The following ZNF385D variants were observed in gnomAD, a reference collection of about 807,000 sequenced individuals.
ZNF385D encodes the protein zinc finger protein 659.
Under a neutral mutation model 35.8 loss-of-function variants are expected in ZNF385D, and 15 were observed. The observed-to-expected ratio is 0.42, with a 90% CI of 0.28 to 0.64. ZNF385D has a LOEUF of 0.64. ZNF385D is among the 30% of genes least tolerant of loss of function. The pLI is 0.23. For synonymous variants in ZNF385D, 212 were observed against 186.8 expected (o/e 1.13, Z -1.10); for missense variants, 474 against 494.6 (o/e 0.96, Z 0.39).
chr3:22,167,247 T>C (rs895796227), intron 3 of ZNF385D, among the ~76,000 whole-genome samples: 43 of 152,296 alleles, frequency 2.8e-4, no homozygotes, highest in African/African-American at 1.0e-3. Context: ...CCTTTGCTAA[T>C]TGGTTTTCTA....
rs1694691454 is a variant in ZNF385D, at chr3:21,984,473, T to C, written c.325+184344A>G. 1.5e-5 allele frequency among the ~76,000 whole-genome samples: 2 copies of C among 134,322 alleles called. 1 individual carries two copies. Among genetic ancestry groups the C allele is most frequent in the South Asian group, 5.6e-4 (2 of 3,586 alleles). 88.1% of individuals were successfully genotyped at this position (134,322 alleles called of 152,430 possible). The stretch of plus-strand genomic sequence containing the variant: ...TCAGGTTTGTCAAAGATCAGATAGT[T>C]GTAGGTATACGGCGTTATTTCTGAG... On this transcript the variant is annotated intron_variant, in intron 3 of 5. Transcript: ENST00000494108.
At chr3:21,496,327 G>T in intron 4 of ZNF385D, among the ~76,000 whole-genome samples, 1 of 143,572 alleles carries the variant, frequency 7.0e-6, no homozygotes, top group Non-Finnish European at 1.5e-5. Flanking sequence ...CTTTATCTCT[G>T]CCAACTTTAG....
intron 2 of ZNF385D, among the ~76,000 whole-genome samples, chr3:21,626,481 C>G (rs752640137): frequency 1.3e-5 from 2 of 152,092 alleles, no homozygotes; most frequent in Non-Finnish European, 2.9e-5. Flanking sequence ...TGGTTCTGAT[C>G]TGTGACATTT....
At position 21,808,409 on chromosome 3, in the gene ZNF385D, G is replaced by C. The variant is rs528914395; in HGVS notation, c.326-143381C>G. ...TTCTTTGCTCTGTGCTGTGGCCCCA[G>C]AGACTATGAAAAGGAGAACTGCTGA... On this transcript the variant is annotated intron_variant, in intron 3 of 5. Coordinates refer to the ZNF385D transcript ENST00000494108. Among the ~76,000 whole-genome samples the C allele has an allele frequency of 1.4e-4, 22 of 152,294 alleles. 1 individual carries two copies. In the South Asian group the frequency reaches 1.9e-3, roughly 13 times the overall value.
rs576693233 is a variant in ZNF385D, at chr3:22,147,991, T to C, written c.325+20826A>G. Among the ~76,000 whole-genome samples the C allele has an allele frequency of 9.2e-5, 14 of 152,344 alleles. 1 individual carries two copies. In the East Asian group the frequency reaches 2.5e-3, roughly 27 times the overall value. On this transcript the variant is annotated intron_variant, in intron 3 of 5. Transcript: ENST00000494108. ...GTTTCTGAGGCTGACATGGAGTAAA[T>C]ACTTCATTTCTGGGATAATTGCTTT... is the stretch of plus-strand genomic sequence containing the variant.
intron 3 of ZNF385D, among the ~76,000 whole-genome samples, chr3:21,909,778 G>A (rs1265442348): frequency 3.9e-5 from 6 of 151,984 alleles, no homozygotes; most frequent in Admixed American, 1.3e-4. Flanking sequence ...TAAATTTAAC[G>A]AGTTTCCGTT....
chr3:21,504,692 G>C (rs997699116), intron 4 of ZNF385D, among the ~76,000 whole-genome samples: 1 of 152,058 alleles, frequency 6.6e-6, no homozygotes, highest in Non-Finnish European at 1.5e-5. Flanking sequence ...AAAAGTGAAA[G>C]AATTTTCCGT....
At chr3:21,890,346 C>G (rs1052828961) in intron 3 of ZNF385D, among the ~76,000 whole-genome samples, 2 of 152,110 alleles carry the variant, frequency 1.3e-5, no homozygotes, top group Admixed American at 1.3e-4. Flanking sequence ...GGGCCAGGAG[C>G]GGTGGCTCAT....
rs1372771863 is a variant in ZNF385D at position 21,412,948 on chromosome 3, G to A, written c.*8266C>T. 1 of 151,918 alleles carries A rather than the reference G, an allele frequency of 6.6e-6. No individual in the cohort carries two copies. The highest frequency in any genetic ancestry group is 1.5e-5 in the Non-Finnish European group (1 of 67,958). The allele number at this position is 151,918 out of a possible 1,614,324, so 9.4% of individuals were successfully genotyped here. A position where few individuals can be genotyped will look rare whatever the true frequency, so the allele number is the denominator to read the frequency against. The stretch of plus-strand genomic sequence containing the variant: ...ATATCATGTAGGGTGAGAAATTGAT[G>A]TTTGGGGAGATGTTATCACATGACT... On this transcript the variant is annotated 3_prime_UTR_variant, in exon 8 of 8. Transcript: ENST00000281523.
At chr3:21,670,710 C>G (rs2066550421) in intron 1 of ZNF385D, among the ~76,000 whole-genome samples, 1 of 119,176 alleles carries the variant, frequency 8.4e-6, no homozygotes, top group African/African-American at 3.2e-5. Context: ...AAGGAGAACC[C>G]AAAGAAACCT....
At chr3:22,226,916 G>C (rs1698590977) in intron 2 of ZNF385D, among the ~76,000 whole-genome samples, 1 of 152,014 alleles carries the variant, frequency 6.6e-6, no homozygotes. Context: ...TCATATCATT[G>C]AGTTCATTCT....
intron 3 of ZNF385D, among the ~76,000 whole-genome samples, chr3:22,082,752 A>G (rs1350944964): frequency 6.6e-6 from 1 of 152,194 alleles, no homozygotes; most frequent in African/African-American, 2.4e-5. Context: ...TGCCTCCACA[A>G]GTGGGTCCCT....
intron 2 of ZNF385D, among the ~76,000 whole-genome samples, chr3:21,582,411 C>T (rs959534236): frequency 3.3e-5 from 5 of 152,162 alleles, no homozygotes; most frequent in African/African-American, 4.8e-5. Context: ...ACAGAGTAGG[C>T]TATTTTTAAT....
chr3:21,505,272 C>T (rs1373441068), intron 4 of ZNF385D, among the ~76,000 whole-genome samples: 1 of 151,878 alleles, frequency 6.6e-6, no homozygotes, highest in Non-Finnish European at 1.5e-5. Context: ...CAGATCTGGA[C>T]TTAGGAGAAG....
intron 1 of ZNF385D, among the ~76,000 whole-genome samples, chr3:21,732,683 T>C (rs78231028): frequency 0.19 from 29,238 of 152,202 alleles, 3,137 homozygotes; most frequent in Admixed American, 0.31. Flanking sequence ...TCTATCTGTA[T>C]ATCTTCTTTG....
At chr3:21,851,519 T>C (rs951800555) in intron 3 of ZNF385D, among the ~76,000 whole-genome samples, 2 of 152,058 alleles carry the variant, frequency 1.3e-5, no homozygotes, top group Non-Finnish European at 1.5e-5. Flanking sequence ...AAATCTCTCG[T>C]GTCCTTAAAT....
intron 2 of ZNF385D, among the ~76,000 whole-genome samples, chr3:21,658,561 T>C (rs1006645306): frequency 3.3e-5 from 5 of 151,486 alleles, no homozygotes; most frequent in African/African-American, 1.2e-4. Context: ...TGTCTTTTTA[T>C]TTATCTATAT....
At chr3:21,700,479 T>C (rs948195704) in intron 1 of ZNF385D, among the ~76,000 whole-genome samples, 2 of 152,162 alleles carry the variant, frequency 1.3e-5, no homozygotes, top group South Asian at 2.1e-4. Flanking sequence ...TTAAAATTAG[T>C]TTTTTTCTTT....
chr3:21,798,444 T>C (rs2072251069), intron 3 of ZNF385D, among the ~76,000 whole-genome samples: 1 of 152,172 alleles, frequency 6.6e-6, no homozygotes, highest in African/African-American at 2.4e-5. Flanking sequence ...AGAGACATCC[T>C]TGGGTCCTTA....
Sources: allele counts gnomAD v4.1 joint callset (sites outside exome capture counted in the v4.1 genomes callset), GRCh38; gene constraint gnomAD v4.1.1; transcripts MANE v1.5; gene names NCBI Gene and HGNC (gene_info 2026-07-23, HGNC 2026-07-21).